OSBPL9: variants seen among roughly 807,000 people sequenced by gnomAD.
The protein encoded by OSBPL9 is oxysterol binding protein like 9, also known as oxysterol-binding protein-related protein 9.
OSBPL9 carries 40 observed loss-of-function variants against 106.6 expected under a neutral mutation model. The observed-to-expected ratio is 0.38, with a 90% confidence interval of 0.29 to 0.49. The LOEUF (loss-of-function observed/expected upper bound fraction) is 0.49, where lower values mean the gene tolerates loss of function less well. Ranked by LOEUF, OSBPL9 falls within the 20% of genes least tolerant of loss-of-function variation. The pLI is 0.97. For missense variants in OSBPL9, 609 were observed against 887.2 expected (o/e 0.69, Z 3.98); for synonymous variants, 269 against 295.4 (o/e 0.91, Z 0.92).
At chr1:51,742,765 A>G (rs1667197477) in intron 4 of OSBPL9, among the ~76,000 whole-genome samples, 1 of 152,080 alleles carries the variant, frequency 6.6e-6, no homozygotes, top group Non-Finnish European at 1.5e-5. Context: ...ATCTCCATTA[A>G]AAAGGATTAA....
chr1:51,597,993 G>C (rs1323211055), intron 1 of OSBPL9: 3 of 152,208 alleles, frequency 2.0e-5, no homozygotes, highest in Non-Finnish European at 2.9e-5. Context: ...TGGTTTTGGT[G>C]CCCTAATAAA....
At chr1:51,626,830 T>G (rs1644796435) in intron 1 of OSBPL9, among the ~76,000 whole-genome samples, 1 of 152,168 alleles carries the variant, frequency 6.6e-6, no homozygotes, top group South Asian at 2.1e-4. Flanking sequence ...ATCTTTAATT[T>G]TGATGATGTC....
chr1:51,769,475 T>C (rs983775466), intron 12 of OSBPL9, among the ~76,000 whole-genome samples: 1 of 152,202 alleles, frequency 6.6e-6, no homozygotes, highest in Non-Finnish European at 1.5e-5. Context: ...CCTCCGAGCG[T>C]CTGTGTATTA....
chr1:51,545,847 A>G, the OSBPL9 span, among the ~76,000 whole-genome samples: 3 of 152,228 alleles, frequency 2.0e-5, no homozygotes, highest in Non-Finnish European at 4.4e-5. Flanking sequence ...AGAAACTGAT[A>G]TATCAAGGCT....
chr1:51,778,910 T>C (rs533326802), intron 15 of OSBPL9, among the ~76,000 whole-genome samples: 6 of 152,280 alleles, frequency 3.9e-5, no homozygotes, highest in South Asian at 2.1e-4. Flanking sequence ...TTTAAAATAA[T>C]TGGAATCATA....
At chr1:51,581,145 A>C (rs1189619992) in intron 1 of OSBPL9, among the ~76,000 whole-genome samples, 1 of 150,440 alleles carries the variant, frequency 6.6e-6, no homozygotes, top group Admixed American at 6.6e-5. Flanking sequence ...GGTTGGCCTC[A>C]AACTCCTGGG....
intron 3 of OSBPL9, among the ~76,000 whole-genome samples, chr1:51,694,949 A>G (rs74082652): frequency 0.023 from 3,510 of 152,316 alleles, 77 homozygotes; most frequent in Middle Eastern, 0.082. Flanking sequence ...TTTGCCAAAC[A>G]CCCGAGAGTG....
At chr1:51,732,166 A>G (rs980279047) in intron 4 of OSBPL9, among the ~76,000 whole-genome samples, 2 of 152,222 alleles carry the variant, frequency 1.3e-5, no homozygotes, top group African/African-American at 4.8e-5. Flanking sequence ...TGTTAGCACC[A>G]TGTTCTGCTG....
chr1:51,651,052 A>G (rs1646487139), intron 1 of OSBPL9, among the ~76,000 whole-genome samples: 1 of 152,190 alleles, frequency 6.6e-6, no homozygotes, highest in Non-Finnish European at 1.5e-5. Flanking sequence ...ACCAGCAATT[A>G]TAACACAGGG....
chr1:51,707,456 T>G (rs1195652627), intron 3 of OSBPL9: 2 of 178,076 alleles, frequency 1.1e-5, no homozygotes, highest in African/African-American at 2.4e-5. Context: ...ACCATGCCAG[T>G]GATCTTCCCA....
chr1:51,701,383 A>C (rs184478133), intron 3 of OSBPL9, among the ~76,000 whole-genome samples: 1 of 152,320 alleles, frequency 6.6e-6, no homozygotes, highest in Non-Finnish European at 1.5e-5. Flanking sequence ...ATTTACCTAA[A>C]ATCATGAGTT....
At chr1:51,519,293 G>A in the OSBPL9 span, 47 of 848,938 alleles carry the variant, frequency 5.5e-5, no homozygotes, top group South Asian at 2.1e-3. Context: ...GGGGCGGGGA[G>A]GAGGCGGAGG....
chr1:51,783,903 A>G lies in OSBPL9; in HGVS notation c.1514-12A>G, dbSNP rs1328822898. ...GGTATATATAATCTACTAATTGAAA[A>G]TTTCTATTCAGTTTCAGCCTTTTAT... On this transcript the variant is annotated splice_polypyrimidine_tract_variant and intron_variant, in intron 17 of 23. Coordinates refer to ENST00000428468, the MANE Select transcript of OSBPL9 (RefSeq NM_024586.6). 1.3e-6 allele frequency: 2 copies of G among 1,585,166 alleles called. No individual in the cohort carries two copies. The highest frequency in any genetic ancestry group is 1.7e-5 in the Admixed American group (1 of 59,910).
intron 2 of OSBPL9, among the ~76,000 whole-genome samples, chr1:51,606,901 T>C (rs950197715): frequency 2.0e-5 from 3 of 151,610 alleles, no homozygotes; most frequent in Non-Finnish European, 4.4e-5. Context: ...ACAAAAAAAA[T>C]TAGCCGGGCA....
chr1:51,673,968 T>C (rs1474151045), intron 3 of OSBPL9, among the ~76,000 whole-genome samples: 1 of 151,728 alleles, frequency 6.6e-6, no homozygotes, highest in Non-Finnish European at 1.5e-5. Flanking sequence ...CTAAGGGTGA[T>C]GCTCTTGGCT....
At chr1:51,756,730 C>G (rs1670418456) in intron 9 of OSBPL9, 1 of 183,950 alleles carries the variant, frequency 5.4e-6, no homozygotes, top group South Asian at 1.3e-4. Flanking sequence ...TTGAAACACA[C>G]CTTAATCTAT....
chr1:51,665,209 G>A (rs1438126279), intron 2 of OSBPL9, among the ~76,000 whole-genome samples: 2 of 152,122 alleles, frequency 1.3e-5, no homozygotes, highest in Non-Finnish European at 2.9e-5. Context: ...CAATGGGGCA[G>A]TCTTGGTTCA....
intron 3 of OSBPL9, among the ~76,000 whole-genome samples, chr1:51,704,974 C>T (rs1166495806): frequency 6.6e-6 from 1 of 152,168 alleles, no homozygotes; most frequent in Non-Finnish European, 1.5e-5. Context: ...CCTGGCTTCC[C>T]ATCCTTTCTC....
intron 1 of OSBPL9, among the ~76,000 whole-genome samples, chr1:51,595,411 T>C (rs975530567): frequency 6.6e-6 from 1 of 152,186 alleles, no homozygotes; most frequent in African/African-American, 2.4e-5. Context: ...CCACTGGGCC[T>C]ATGAAGAAAC....
Sources: allele counts gnomAD v4.1 joint callset (sites outside exome capture counted in the v4.1 genomes callset), GRCh38; gene constraint gnomAD v4.1.1; transcripts MANE v1.5; gene names NCBI Gene and HGNC (gene_info 2026-07-23, HGNC 2026-07-21).